Variants in GKN2 observed in about 807,000 individuals in gnomAD.
GKN2 encodes gastrokine-2.
Under a neutral mutation model 22.7 loss-of-function variants are expected in GKN2, and 17 were observed. That is an observed-to-expected ratio of 0.75 (90% CI 0.51 to 1.13). The LOEUF is 1.13. GKN2 is among the 50% of genes most tolerant of loss of function. The pLI is 0.00. For synonymous variants in GKN2, 82 were observed against 79.6 expected, an observed-to-expected ratio of 1.03 and a Z score of -0.16; for missense variants, 248 against 221.4, an observed-to-expected ratio of 1.12 and a Z score of -0.76.
At position 68,950,642 on chromosome 2, in the gene GKN2, T is replaced by C. The variant is rs1669841603; in HGVS notation, c.66+60A>G. On this transcript the variant is annotated intron_variant, in intron 2 of 5. Transcript: ENST00000328895. ...TCTCTACTGTCTTCAGGCTCTCTTG[T>C]ACCTTCCCTTTCCTCTCCCAACATC... The C allele has an allele frequency of 3.4e-6, 5 of 1,472,324 alleles. No homozygotes were observed. In the South Asian group the frequency reaches 5.7e-5, roughly 17 times the overall value. The allele number at this position is 1,472,324 out of a possible 1,614,324, so 91.2% of individuals were successfully genotyped here. A position where few individuals can be genotyped will look rare whatever the true frequency, so the allele number is the denominator to read the frequency against.
At chr2:68,948,189 T>A (rs1669799074) in intron 3 of GKN2, among the ~76,000 whole-genome samples, 1 of 141,686 alleles carries the variant, frequency 7.1e-6, no homozygotes, top group Non-Finnish European at 1.5e-5. Context: ...GAGCTTGCAG[T>A]GAGCCAAGAT....
At chr2:68,950,306 T>C (rs769203204) in intron 2 of GKN2, 43 bp from the exon 3 acceptor site, 1 of 1,571,274 alleles carries the variant, frequency 6.4e-7, no homozygotes, top group Non-Finnish European at 8.6e-7. Flanking sequence ...ATAAATCTTA[T>C]ATATTTGAAA....
chr2:68,949,808 C>CGGGCT (rs920837725), intron 3 of GKN2, among the ~76,000 whole-genome samples: 2 of 152,048 alleles, frequency 1.3e-5, no homozygotes, highest in African/African-American at 2.4e-5. Flanking sequence ...GTCTGCATGC[C>CGGGCT]GGGCTTTGCT....
intron 4 of GKN2, 47 bp downstream of exon 4, chr2:68,947,100 T>A (rs377092451): frequency 2.4e-5 from 28 of 1,142,932 alleles, no homozygotes; most frequent in Non-Finnish European, 3.7e-5. Flanking sequence ...AATACCAGTA[T>A]TGCCTGGCTT....
At position 68,946,421 on chromosome 2, in the gene GKN2, T is replaced by C. The variant is rs751570630; in HGVS notation, c.355A>G (p.Lys119Glu). 1.9e-6 allele frequency: 3 copies of C among 1,612,848 alleles called. No homozygotes were observed. ...NMFSSKYTWV[K>E]YNPLESLIKD... is the part of the protein sequence containing the mutation. ...ATCAGAGACTCCAGAGGGTTGTACT[T>C]GACCCAGGTGTATTTGCTGGAGAAC... is the stretch of plus-strand genomic sequence containing the variant. The change falls in exon 5 of 6, where the codon AAG (lysine) becomes GAG (glutamate). Residue 119 changes from lysine (K) to glutamate (E), a missense_variant. Lys to Glu is a moderately conservative substitution (Grantham distance 56, BLOSUM62 1). Coordinates refer to ENST00000328895, the MANE Select transcript of GKN2 (RefSeq NM_182536.3).
At position 68,950,715 on chromosome 2, in the gene GKN2, G is replaced by A; in HGVS notation, c.53C>T (p.Ser18Phe). ...LVVLTIFGIQ[S>F]HGYEVFNIIS... ...GAACCAACTCACCTCGTATCCATGA[G>A]ATTGTATCCCAAAGATGGTCAGCAC... Residue 18 changes from serine (S) to phenylalanine (F), a missense_variant, in exon 2 of 6, where the codon TCT becomes TTT. Ser to Phe is a radical substitution (Grantham distance 155, BLOSUM62 -2). Coordinates refer to ENST00000328895, the MANE Select transcript of GKN2 (RefSeq NM_182536.3). 6.2e-7 allele frequency: 1 copy of A among 1,614,074 alleles called. No individual in the cohort carries two copies. Among genetic ancestry groups the A allele is most frequent in the Non-Finnish European group, 8.5e-7 (1 of 1,179,960 alleles).
At chr2:68,950,871 C>T (rs575783832) in intron 1 of GKN2, 116 bp from the exon 2 acceptor site, 1 of 999,544 alleles carries the variant, frequency 1.0e-6, no homozygotes, top group East Asian at 2.5e-5. Flanking sequence ...CCTAGAGACA[C>T]TGAGTGGCCA....
chr2:68,949,335 T>G (rs1669819982), intron 3 of GKN2, among the ~76,000 whole-genome samples: 1 of 152,188 alleles, frequency 6.6e-6, no homozygotes, highest in Admixed American at 6.5e-5. Flanking sequence ...TGTACATAAT[T>G]AAATGTGTAT....
At chr2:68,948,455 C>A (rs529520080) in intron 3 of GKN2, among the ~76,000 whole-genome samples, 1 of 152,256 alleles carries the variant, frequency 6.6e-6, no homozygotes, top group African/African-American at 2.4e-5. Context: ...TTCTGTTAGA[C>A]AGTGCTGCTT....
chr2:68,945,421 C>A lies in GKN2; in HGVS notation c.502G>T (p.Ala168Ser), dbSNP rs1442476281. 1 of 1,611,430 alleles carries A rather than the reference C, an allele frequency of 6.2e-7. No homozygotes were observed. The highest frequency in any genetic ancestry group is 8.5e-7 in the Non-Finnish European group (1 of 1,178,308). ...ATTCCCAAGATGCCCAGGAGCCCAG[C>A]CTTTGCACAGCCTCCAGCACCGACA... ...HNVGAGGCAK[A>S]GLLGILGISI... Residue 168 changes from alanine (A) to serine (S), a missense_variant, in exon 6 of 6, where the codon GCT (alanine) becomes TCT (serine). Coordinates refer to ENST00000328895, the MANE Select transcript of GKN2 (RefSeq NM_182536.3).
rs115935857 is a variant in GKN2 at position 68,947,346 on chromosome 2, C to T, written c.205-89G>A. 1.9e-3 allele frequency: 1,520 copies of T among 796,362 alleles called. 21 individuals are homozygous for T. The African/African-American group carries it at 0.022, about 11-fold the overall frequency. The allele number at this position is 796,362 out of a possible 1,614,324, so 49.3% of individuals were successfully genotyped here. A position where few individuals can be genotyped will look rare whatever the true frequency, so the allele number is the denominator to read the frequency against. ...TGATGCCTGAACCTCGGAAGAAAGACTTGAACATGCACAGTGAATATATGG... is the reference window on the plus strand; with the variant it reads ...TGATGCCTGAACCTCGGAAGAAAGATTTGAACATGCACAGTGAATATATGG... On this transcript the variant is annotated intron_variant, in intron 3 of 5. Coordinates refer to ENST00000328895, the MANE Select transcript of GKN2 (RefSeq NM_182536.3).
chr2:68,945,501 G>A (rs745500203), intron 5 of GKN2, 51 bp from the exon 6 acceptor site: 1 of 1,299,990 alleles, frequency 7.7e-7, no homozygotes. Context: ...ATATATTATT[G>A]GAATTATTAG....
At position 68,950,659 on chromosome 2, in the gene GKN2, C is replaced by T. The variant is rs1573729187; in HGVS notation, c.66+43G>A. Reference sequence around the variant, plus strand: ...CTCTCTTGTACCTTCCCTTTCCTCTCCCAACATCTCTAAGAGATAAAGTCC... The same window carrying T: ...CTCTCTTGTACCTTCCCTTTCCTCTTCCAACATCTCTAAGAGATAAAGTCC... On this transcript the variant is annotated intron_variant, in intron 2 of 5. Coordinates refer to ENST00000328895, the MANE Select transcript of GKN2 (RefSeq NM_182536.3). 3.8e-6 allele frequency: 6 copies of T among 1,572,930 alleles called. No individual in the cohort carries two copies. In the East Asian group the frequency reaches 1.3e-4, roughly 35 times the overall value.
intron 1 of GKN2, among the ~76,000 whole-genome samples, chr2:68,952,310 G>C (rs1265158157): frequency 1.3e-5 from 2 of 152,154 alleles, no homozygotes; most frequent in African/African-American, 2.4e-5. Flanking sequence ...CCACATTTAC[G>C]GGCTTGGGAA....
chr2:68,947,920 C>A (rs933823622), intron 3 of GKN2, among the ~76,000 whole-genome samples: 4 of 152,076 alleles, frequency 2.6e-5, no homozygotes, highest in Non-Finnish European at 5.9e-5. Flanking sequence ...TGCTTCCTCC[C>A]CAGTTTGGGG....
intron 1 of GKN2, 66 bp downstream of exon 1, chr2:68,952,784 T>C (rs1669877128): frequency 6.4e-7 from 1 of 1,552,116 alleles, no homozygotes; most frequent in Admixed American, 1.7e-5. Context: ...CCATGGCATA[T>C]TAGATATGAG....
intron 4 of GKN2, 56 bp downstream of exon 4, chr2:68,947,091 A>G: frequency 9.8e-7 from 1 of 1,022,392 alleles, no homozygotes; most frequent in Non-Finnish European, 1.6e-6. Flanking sequence ...TTCTCCATAA[A>G]TACCAGTATT....
In GKN2 at chr2:68,946,392, T is replaced by C. The variant is rs1288141580; in HGVS notation, c.384A>G (p.Lys128=). ...VKYNPLESLI[K]DVDWFLLGSP... is the part of the protein sequence containing the mutation. ...ACCCAAGCAGGAACCAATCCACGTC[T>C]TTGATCAGAGACTCCAGAGGGTTGT... The change falls in exon 5 of 6, where the codon AAA becomes AAG. Residue 128 remains lysine (K), a synonymous_variant. Coordinates refer to ENST00000328895, the MANE Select transcript of GKN2 (RefSeq NM_182536.3). The C allele has an allele frequency of 1.9e-6, 3 of 1,613,936 alleles. No individual in the cohort carries two copies. The Admixed American group carries it at 5.0e-5, about 27-fold the overall frequency.
intron 5 of GKN2, 74 bp downstream of exon 5, chr2:68,946,230 G>C (rs776598342): frequency 7.6e-7 from 1 of 1,313,514 alleles, no homozygotes; most frequent in Non-Finnish European, 1.0e-6. Context: ...ATTTCACTTG[G>C]CACCCAACAG....
Sources: gnomAD v4.1 joint callset for allele counts (sites outside exome capture counted in the v4.1 genomes callset) on GRCh38, gnomAD v4.1.1 for gene constraint, MANE v1.5 for transcripts, NCBI Gene and HGNC (gene_info 2026-07-23, HGNC 2026-07-21) for gene names.